KALRN: variants seen among roughly 807,000 people sequenced by gnomAD.
KALRN encodes kalirin RhoGEF kinase.
In KALRN, 70 loss-of-function variants were observed where a neutral mutation model predicts 353.7. The observed-to-expected ratio is 0.20, with a 90% CI of 0.16 to 0.24. The LOEUF (loss-of-function observed/expected upper bound fraction) is 0.24, where lower values mean the gene tolerates loss of function less well. KALRN is among the 10% of genes least tolerant of loss of function. The pLI, the probability that KALRN is intolerant of heterozygous loss-of-function variation, is 1.00. For missense variants in KALRN, 2,791 were observed against 3,756.7 expected (o/e 0.74, Z 6.72); for synonymous variants, 1,391 against 1,434.8 (o/e 0.97, Z 0.69).
intron 32 of KALRN, among the ~76,000 whole-genome samples, chr3:124,494,640 A>C (rs2063519726): frequency 6.6e-6 from 1 of 152,268 alleles, no homozygotes. Context: ...GTGAGAGAGC[A>C]GTTGACTTAG....
At chr3:124,242,161 T>C (rs533285257) in intron 3 of KALRN, among the ~76,000 whole-genome samples, 62 of 152,260 alleles carry the variant, frequency 4.1e-4, no homozygotes, top group African/African-American at 1.4e-3. Flanking sequence ...GAGTGGAAGA[T>C]GAAATGGAAG....
chr3:124,502,341 G>C (rs546983632), intron 33 of KALRN, among the ~76,000 whole-genome samples: 1 of 152,180 alleles, frequency 6.6e-6, no homozygotes, highest in Non-Finnish European at 1.5e-5. Context: ...AGTAGGAATT[G>C]CATGGAGTTT....
At chr3:124,497,442 A>G (rs568020590) in intron 33 of KALRN, among the ~76,000 whole-genome samples, 68 of 152,056 alleles carry the variant, frequency 4.5e-4, no homozygotes, top group African/African-American at 1.6e-3. Context: ...GATTTTTCCT[A>G]TTTTTTCTTG....
intron 1 of KALRN, among the ~76,000 whole-genome samples, chr3:124,059,662 C>G (rs1308932327): frequency 6.6e-6 from 1 of 152,200 alleles, no homozygotes; most frequent in East Asian, 1.9e-4. Flanking sequence ...AGGCTGGACT[C>G]AAATTGGATA....
At position 124,576,976 on chromosome 3, in the gene KALRN, G is replaced by A. The variant is rs924458336; in HGVS notation, c.5182+13887G>A. 6.6e-5 allele frequency among the ~76,000 whole-genome samples: 10 copies of A among 152,158 alleles called. No homozygotes were observed. The East Asian group carries it at 1.5e-3, about 23-fold the overall frequency. ...TTTGTTTTTAGCAATTCCAGCTGCA[G>A]CCATCTTTCACTTTGATAAATAGCT... On this transcript the variant is annotated intron_variant, in intron 34 of 59. Coordinates refer to ENST00000682506, the MANE Select transcript of KALRN (RefSeq NM_001388419.1).
At chr3:124,308,683 A>G (rs549245225) in intron 6 of KALRN, among the ~76,000 whole-genome samples, 58 of 152,084 alleles carry the variant, frequency 3.8e-4, no homozygotes, top group Non-Finnish European at 6.6e-4. Context: ...CTTAGAGAGA[A>G]CATATAGTTG....
chr3:124,206,663 A>G (rs1470453131), intron 1 of KALRN, among the ~76,000 whole-genome samples: 1 of 152,240 alleles, frequency 6.6e-6, no homozygotes, highest in Non-Finnish European at 1.5e-5. Context: ...CTAAGATTTC[A>G]TCTAAGTTAG....
At chr3:124,329,829 C>T (rs1419819465) in intron 7 of KALRN, 32 bp from the exon 8 acceptor site, 2 of 1,604,990 alleles carry the variant, frequency 1.2e-6, no homozygotes, top group Admixed American at 3.4e-5. Context: ...CCCCAGTGCT[C>T]CCCCACTGAT....
intron 10 of KALRN, among the ~76,000 whole-genome samples, chr3:124,361,299 A>G (rs1173845769): frequency 1.3e-5 from 2 of 152,214 alleles, no homozygotes; most frequent in South Asian, 2.1e-4. Flanking sequence ...ATATTTTTCA[A>G]TGTAAAACAT....
intron 49 of KALRN, chr3:124,674,873 C>G (rs565752171): frequency 2.6e-6 from 1 of 379,016 alleles, no homozygotes; most frequent in Admixed American, 4.6e-5. Context: ...ATTTTTCCCC[C>G]TTTCTCCCCC....
At chr3:124,536,077 G>A (rs1221388616) in intron 33 of KALRN, among the ~76,000 whole-genome samples, 1 of 151,992 alleles carries the variant, frequency 6.6e-6, no homozygotes, top group African/African-American at 2.4e-5. Context: ...CCAGGGAAAT[G>A]TAGTCTTTTA....
chr3:124,415,768 A>C (rs1030539200), intron 14 of KALRN, among the ~76,000 whole-genome samples: 1 of 152,144 alleles, frequency 6.6e-6, no homozygotes, highest in Non-Finnish European at 1.5e-5. Context: ...CTGACCCAAC[A>C]TGTTGCTACT....
At chr3:124,242,331 C>G (rs1248370279) in intron 3 of KALRN, among the ~76,000 whole-genome samples, 2 of 152,154 alleles carry the variant, frequency 1.3e-5, no homozygotes, top group Non-Finnish European at 2.9e-5. Flanking sequence ...ATCATTATTT[C>G]CCTTTTACAT....
intron 1 of KALRN, among the ~76,000 whole-genome samples, chr3:124,208,984 A>AATC (rs200377308): frequency 1.1e-3 from 171 of 150,416 alleles, no homozygotes; most frequent in African/African-American, 3.4e-3. Flanking sequence ...TAATAATAAT[A>AATC]ATCATCATCA....
At chr3:124,550,849 C>T (rs557942550) in intron 33 of KALRN, among the ~76,000 whole-genome samples, 1 of 151,926 alleles carries the variant, frequency 6.6e-6, no homozygotes, top group Non-Finnish European at 1.5e-5. Context: ...ATTAGCCGGG[C>T]GTGGTGGTGG....
intron 5 of KALRN, among the ~76,000 whole-genome samples, chr3:124,292,680 T>C (rs900921563): frequency 2.0e-5 from 3 of 152,132 alleles, no homozygotes; most frequent in Non-Finnish European, 4.4e-5. Context: ...GGGCGGTGGA[T>C]GTGTTTGCAT....
intron 25 of KALRN, among the ~76,000 whole-genome samples, chr3:124,471,465 T>G (rs1413731120): frequency 1.3e-5 from 2 of 151,808 alleles, no homozygotes; most frequent in Non-Finnish European, 2.9e-5. Context: ...TTTTGTATTT[T>G]TAATAGAGAC....
In KALRN at chr3:124,513,059, A is replaced by G. The variant is rs532420177; in HGVS notation, c.4935+16646A>G. ...TTGGGATTCAAGAAGGCAGTCAGACAGTGAATTCAGGCTGACTTGCAGGAC... is the reference window on the plus strand; with the variant it reads ...TTGGGATTCAAGAAGGCAGTCAGACGGTGAATTCAGGCTGACTTGCAGGAC... On this transcript the variant is annotated intron_variant, in intron 33 of 59. Transcript: ENST00000682506. 6.8e-4 allele frequency among the ~76,000 whole-genome samples: 104 copies of G among 152,314 alleles called. 1 individual carries two copies. The highest frequency in any genetic ancestry group is 2.5e-3 in the African/African-American group (102 of 41,572).
chr3:124,496,370 C>A lies in KALRN; in HGVS notation c.4892C>A (p.Ser1631Tyr), dbSNP rs772578254. The change falls in exon 33 of 60, where the codon TCC (serine) becomes TAC (tyrosine). Residue 1631 changes from serine to tyrosine, a missense_variant. Around this residue, in one of 11 missense-constraint regions of KALRN, gnomAD observed 239 missense variants for 351.3 expected, o/e 0.68. Transcript: ENST00000682506. ...GDGSSQPDTI[S>Y]IASRTSQNTV... Reference sequence around the variant, plus strand: ...GGGAGCAGCCAACCAGACACCATCTCCATTGCTTCTAGGACCTCTCAGAAC... The same window carrying A: ...GGGAGCAGCCAACCAGACACCATCTACATTGCTTCTAGGACCTCTCAGAAC... 1.2e-6 allele frequency: 2 copies of A among 1,613,330 alleles called. No individual in the cohort carries two copies. The highest frequency in any genetic ancestry group is 1.7e-6 in the Non-Finnish European group (2 of 1,179,708).
Sources: gnomAD v4.1 joint callset for allele counts (sites outside exome capture counted in the v4.1 genomes callset) on GRCh38, gnomAD v4.1.1 for gene constraint, gnomAD v4.1.1 regional missense constraint, MANE v1.5 for transcripts, NCBI Gene and HGNC (gene_info 2026-07-23, HGNC 2026-07-21) for gene names.